The following NELL1 variants were observed in gnomAD, a reference collection of about 807,000 sequenced individuals.
NELL1 encodes neural EGFL like 1.
A neutral mutation model predicts 107.4 loss-of-function variants in NELL1; 76 were observed. The observed-to-expected ratio is 0.71, with a 90% CI of 0.59 to 0.86. NELL1 has a LOEUF of 0.86. Among genes scored for constraint, NELL1 ranks in the 40% least tolerant of loss-of-function variants. The pLI, the probability that NELL1 is intolerant of heterozygous loss-of-function variation, is 0.00. For missense variants in NELL1, 1,024 were observed against 1,005.5 expected (o/e 1.02, Z -0.25); for synonymous variants, 353 against 341.2 (o/e 1.03, Z -0.38).
chr11:21,223,601 T>TA (rs1857816862), intron 13 of NELL1, among the ~76,000 whole-genome samples: 3 of 152,172 alleles, frequency 2.0e-5, no homozygotes, highest in Admixed American at 6.5e-5. Flanking sequence ...CTCCTCTTAT[T>TA]TTGTTAATTG....
intron 14 of NELL1, among the ~76,000 whole-genome samples, chr11:21,245,671 T>C (rs1397682744): frequency 6.6e-6 from 1 of 152,188 alleles, no homozygotes; most frequent in Admixed American, 6.6e-5. Context: ...CTTGTCATCT[T>C]TGTGTCCCAA....
chr11:20,827,510 C>G (rs941573152), intron 3 of NELL1, among the ~76,000 whole-genome samples: 2 of 151,194 alleles, frequency 1.3e-5, no homozygotes, highest in African/African-American at 4.8e-5. Context: ...AGTTAGAGGC[C>G]TAGACTCTGT....
intron 13 of NELL1, among the ~76,000 whole-genome samples, chr11:21,204,293 A>G (rs1857339968): frequency 6.6e-6 from 1 of 151,914 alleles, no homozygotes; most frequent in Non-Finnish European, 1.5e-5. Flanking sequence ...TATTTCTTGG[A>G]GGCTTTATTC....
chr11:21,032,160 T>G (rs1185931963), intron 12 of NELL1, among the ~76,000 whole-genome samples: 1 of 151,884 alleles, frequency 6.6e-6, no homozygotes, highest in Non-Finnish European at 1.5e-5. Context: ...ATGTGTTAAT[T>G]ATTAATCTAG....
intron 13 of NELL1, among the ~76,000 whole-genome samples, chr11:21,209,590 A>T: frequency 6.6e-6 from 1 of 152,012 alleles, no homozygotes; most frequent in African/African-American, 2.4e-5. Context: ...AATTTTTAAC[A>T]GTTTGTTAAG....
chr11:20,853,634 G>T (rs776892407), intron 4 of NELL1, among the ~76,000 whole-genome samples: 27 of 152,112 alleles, frequency 1.8e-4, no homozygotes, highest in Admixed American at 8.5e-4. Context: ...TATAGAGAAG[G>T]TTTTAATATA....
intron 13 of NELL1, among the ~76,000 whole-genome samples, chr11:21,223,854 T>C (rs77828112): frequency 0.065 from 9,844 of 152,302 alleles, 419 homozygotes; most frequent in East Asian, 0.14. Flanking sequence ...TCAGGTCTAC[T>C]GGTGATGAAT....
At chr11:21,406,178 T>C (rs181274217) in intron 15 of NELL1, among the ~76,000 whole-genome samples, 6 of 152,152 alleles carry the variant, frequency 3.9e-5, no homozygotes, top group Admixed American at 3.9e-4. Flanking sequence ...TTTATGATTG[T>C]TTAGTTCCTA....
intron 2 of NELL1, among the ~76,000 whole-genome samples, chr11:20,771,903 G>A (rs955817985): frequency 1.3e-5 from 2 of 152,224 alleles, no homozygotes; most frequent in Non-Finnish European, 2.9e-5. Context: ...CATCATCTCT[G>A]TAGGAGGTTT....
chr11:21,335,855 G>A (rs1049631545), intron 14 of NELL1, among the ~76,000 whole-genome samples: 1 of 152,010 alleles, frequency 6.6e-6, no homozygotes, highest in African/African-American at 2.4e-5. Context: ...CTGTTTGCAT[G>A]TTCAGCCCAG....
chr11:20,718,793 G>C (rs7105775), intron 2 of NELL1, among the ~76,000 whole-genome samples: 1 of 151,960 alleles, frequency 6.6e-6, no homozygotes, highest in Non-Finnish European at 1.5e-5. Flanking sequence ...GCCAAATGTT[G>C]ATGAGGCAGA....
intron 3 of NELL1, among the ~76,000 whole-genome samples, chr11:20,815,734 G>A (rs999715916): frequency 1.3e-5 from 2 of 152,154 alleles, no homozygotes; most frequent in Admixed American, 6.5e-5. Flanking sequence ...TGCCAAAGTC[G>A]ATGTCCAGAA....
intron 4 of NELL1, among the ~76,000 whole-genome samples, chr11:20,851,786 C>T (rs1222689514): frequency 6.6e-6 from 1 of 152,198 alleles, no homozygotes; most frequent in African/African-American, 2.4e-5. Context: ...AAGTTCTTGG[C>T]TTATTCATTT....
intron 5 of NELL1, 41 bp from the exon 6 acceptor site, chr11:20,918,141 G>T: frequency 1.8e-6 from 2 of 1,100,958 alleles, no homozygotes; most frequent in South Asian, 2.5e-5. Flanking sequence ...TTGAGCTGGT[G>T]ACTGTAATCT....
chr11:21,190,320 C>T (rs1857022586), intron 13 of NELL1, among the ~76,000 whole-genome samples: 1 of 151,800 alleles, frequency 6.6e-6, no homozygotes, highest in African/African-American at 2.4e-5. Context: ...CCACTGCACT[C>T]CAGCCTGGGC....
At chr11:20,914,968 C>T (rs929493162) in intron 5 of NELL1, among the ~76,000 whole-genome samples, 1 of 152,016 alleles carries the variant, frequency 6.6e-6, no homozygotes, top group African/African-American at 2.4e-5. Flanking sequence ...ATGATCTTCA[C>T]AGATCCTAAC....
chr11:20,704,362 T>C (rs889118087), intron 2 of NELL1, among the ~76,000 whole-genome samples: 1 of 152,208 alleles, frequency 6.6e-6, no homozygotes, highest in African/African-American at 2.4e-5. Context: ...GCTTGGCAGA[T>C]CTTCCTCCAT....
intron 13 of NELL1, among the ~76,000 whole-genome samples, chr11:21,176,395 G>A (rs1856713253): frequency 6.6e-6 from 1 of 151,828 alleles, no homozygotes; most frequent in South Asian, 2.1e-4. Flanking sequence ...TTACTCGCAT[G>A]GGATTATTGG....
rs148329450 is a variant in NELL1 at position 21,014,646 on chromosome 11, T to A, written c.1300+54086T>A. Among the ~76,000 whole-genome samples, 418 of 152,226 alleles carry A rather than the reference T, an allele frequency of 2.7e-3. 1 individual carries two copies. Among genetic ancestry groups the A allele is most frequent in the South Asian group, 0.012 (58 of 4,826 alleles). On this transcript the variant is annotated intron_variant, in intron 12 of 19. Coordinates refer to ENST00000357134, the MANE Select transcript of NELL1 (RefSeq NM_006157.5). ...TGTAATCTGAGGGTACTGTGAACTC[T>A]TGGAGGGCTGACACTATGTTTTATA...
Sources: gnomAD v4.1 joint callset for allele counts (sites outside exome capture counted in the v4.1 genomes callset) on GRCh38, gnomAD v4.1.1 for gene constraint, MANE v1.5 for transcripts, NCBI Gene and HGNC (gene_info 2026-07-23, HGNC 2026-07-21) for gene names.